Variants in MYCBP2 observed in about 807,000 individuals in gnomAD.
MYCBP2 encodes MYC binding protein 2.
MYCBP2 carries 120 observed loss-of-function variants against 525.3 expected under a neutral mutation model. The observed-to-expected ratio is 0.23, with a 90% confidence interval of 0.20 to 0.27. The LOEUF is 0.27. Among genes scored for constraint, MYCBP2 ranks in the 10% least tolerant of loss-of-function variants. The probability of loss-of-function intolerance (pLI) is 1.00; values close to 1 mark genes in which losing one functional copy is unlikely to be tolerated. For missense variants in MYCBP2, 4,149 were observed against 5,657.1 expected, an observed-to-expected ratio of 0.73 and a Z score of 8.55; for synonymous variants, 1,894 against 1,955.8, an observed-to-expected ratio of 0.97 and a Z score of 0.83.
chr13:77,255,293 A>G (rs2071977082), intron 14 of MYCBP2, among the ~76,000 whole-genome samples: 2 of 151,862 alleles, frequency 1.3e-5, no homozygotes. Flanking sequence ...CTCTGCAATC[A>G]GTATGCACTG....
intron 18 of MYCBP2, among the ~76,000 whole-genome samples, chr13:77,227,831 T>C (rs2066516113): frequency 6.6e-6 from 1 of 152,158 alleles, no homozygotes; most frequent in African/African-American, 2.4e-5. Context: ...GAGATTATTT[T>C]TAAAGGTTGG....
intron 15 of MYCBP2, among the ~76,000 whole-genome samples, chr13:77,249,969 A>G (rs577268942): frequency 1.3e-5 from 2 of 152,240 alleles, no homozygotes; most frequent in East Asian, 1.9e-4. Flanking sequence ...CACGCCTGTA[A>G]TCCCAGCACT....
chr13:77,317,237 C>G (rs976385648), intron 1 of MYCBP2, among the ~76,000 whole-genome samples: 14 of 152,214 alleles, frequency 9.2e-5, no homozygotes, highest in Non-Finnish European at 1.5e-4. Context: ...CAGGCGTGAG[C>G]CATCGTGCCC....
intron 38 of MYCBP2, among the ~76,000 whole-genome samples, chr13:77,171,087 C>T (rs142482599): frequency 1.3e-5 from 2 of 152,236 alleles, no homozygotes; most frequent in Non-Finnish European, 2.9e-5. Flanking sequence ...AATGGAAAAA[C>T]TCATAGAGCT....
At chr13:77,295,235 A>C (rs1271504451) in intron 2 of MYCBP2, among the ~76,000 whole-genome samples, 2 of 152,134 alleles carry the variant, frequency 1.3e-5, no homozygotes, top group Non-Finnish European at 2.9e-5. Context: ...CCCGGGTTCA[A>C]GCAATCTCCT....
At chr13:77,165,447 CCTGT>C in intron 41 of MYCBP2, 56 bp from the exon 42 acceptor site, 1 of 1,301,628 alleles carries the variant, frequency 7.7e-7, no homozygotes, top group East Asian at 2.3e-5. Context: ...TAAAAATTTC[CCTGT>C]CTTTTATCCA....
intron 34 of MYCBP2, among the ~76,000 whole-genome samples, chr13:77,179,485 C>T (rs1299987335): frequency 6.6e-6 from 1 of 152,084 alleles, no homozygotes; most frequent in Non-Finnish European, 1.5e-5. Flanking sequence ...AATGTAAAGG[C>T]ACTTTCAAAG....
At chr13:77,287,638 T>C (rs534066792) in intron 3 of MYCBP2, among the ~76,000 whole-genome samples, 8 of 152,114 alleles carry the variant, frequency 5.3e-5, no homozygotes, top group South Asian at 4.2e-4. Flanking sequence ...AAGAGTACAA[T>C]TATAAGCTTA....
At chr13:77,153,967 TAAC>T (rs919051843) in intron 46 of MYCBP2, among the ~76,000 whole-genome samples, 2 of 152,214 alleles carry the variant, frequency 1.3e-5, no homozygotes, top group African/African-American at 2.4e-5. Context: ...TAAAAAATTA[TAAC>T]AATAACACTT....
At chr13:77,197,332 T>G (rs2061858743) in intron 26 of MYCBP2, among the ~76,000 whole-genome samples, 1 of 152,098 alleles carries the variant, frequency 6.6e-6, no homozygotes, top group African/African-American at 2.4e-5. Flanking sequence ...TAGAAAAGTC[T>G]TTTTTGTGGA....
intron 17 of MYCBP2, among the ~76,000 whole-genome samples, chr13:77,238,175 G>A (rs970408784): frequency 2.0e-5 from 3 of 150,094 alleles, no homozygotes; most frequent in Admixed American, 6.6e-5. Context: ...CCCAGGAGGC[G>A]GAGCTTGCAG....
intron 30 of MYCBP2, among the ~76,000 whole-genome samples, chr13:77,187,369 C>T (rs2060826483): frequency 6.6e-6 from 1 of 152,194 alleles, no homozygotes; most frequent in Non-Finnish European, 1.5e-5. Context: ...ACAAGCTCTA[C>T]AAACTGCCAT....
intron 52 of MYCBP2, among the ~76,000 whole-genome samples, chr13:77,136,628 T>C (rs1248388489): frequency 6.6e-6 from 1 of 152,338 alleles, no homozygotes; most frequent in Non-Finnish European, 1.5e-5. Flanking sequence ...AGTGGTCTCA[T>C]TGAGTCTTTA....
intron 17 of MYCBP2, among the ~76,000 whole-genome samples, chr13:77,237,597 T>C (rs888558452): frequency 2.6e-5 from 4 of 152,180 alleles, no homozygotes; most frequent in African/African-American, 9.6e-5. Context: ...AATAGGTTTA[T>C]GCAAAACCTT....
At chr13:77,152,025 C>A (rs1302824479) in intron 46 of MYCBP2, among the ~76,000 whole-genome samples, 1 of 152,088 alleles carries the variant, frequency 6.6e-6, no homozygotes, top group Non-Finnish European at 1.5e-5. Context: ...AGAATTGTCA[C>A]AGAAATAGAA....
rs149333798 is a variant in MYCBP2 at position 77,047,309 on chromosome 13, CT to C, written c.13922-1817del. On this transcript the variant is annotated intron_variant, in intron 82 of 82. Transcript: ENST00000544440. Reference sequence around the variant, plus strand: ...TGAAACTGAAGTAAAATTATTTTTTCTGATTCTTAGATACCTCATCTTTAAA... The same window carrying C: ...TGAAACTGAAGTAAAATTATTTTTTCGATTCTTAGATACCTCATCTTTAAA... Among the ~76,000 whole-genome samples, 234 of 152,240 alleles carry C rather than the reference CT, an allele frequency of 1.5e-3. 5 individuals are homozygous for C. The East Asian group carries it at 0.043, about 28-fold the overall frequency.
chr13:77,067,988 A>T, intron 70 of MYCBP2, 124 bp from the exon 71 acceptor site: 4 of 864,086 alleles, frequency 4.6e-6, no homozygotes, highest in Non-Finnish European at 6.9e-6. Flanking sequence ...AGTGCAGTGG[A>T]GCAACCACAG....
At chr13:77,071,309 A>ACACACACACAC (rs755286964) in intron 68 of MYCBP2, among the ~76,000 whole-genome samples, 4 of 149,136 alleles carry the variant, frequency 2.7e-5, no homozygotes, top group Non-Finnish European at 4.4e-5. Context: ...ACACACACAC[A>ACACACACACAC]AATCTTATCT....
Position 77,097,877 on chromosome 13 carries a change from T to C in MYCBP2, c.9277A>G (p.Ile3093Val). 1.2e-6 allele frequency: 2 copies of C among 1,613,012 alleles called. No individual in the cohort carries two copies. Among genetic ancestry groups the C allele is most frequent in the Non-Finnish European group, 1.7e-6 (2 of 1,179,712 alleles). ...TKLKNRHSLE[I>V]SSALNMFNIA... ...TTAAACATATTCAGTGCAGATGATA[T>C]TTCTAATGAATGTCTATTTTTTAAC... The change falls in exon 56 of 83, where the codon ATA becomes GTA. Residue 3093 changes from isoleucine to valine, a missense_variant. Around this residue, in one of 21 missense-constraint regions of MYCBP2, gnomAD observed 653 missense variants for 744.7 expected, o/e 0.88. Transcript: ENST00000544440.
Sources: gnomAD v4.1 joint callset for allele counts (sites outside exome capture counted in the v4.1 genomes callset) on GRCh38, gnomAD v4.1.1 for gene constraint, gnomAD v4.1.1 regional missense constraint, MANE v1.5 for transcripts, NCBI Gene and HGNC (gene_info 2026-07-23, HGNC 2026-07-21) for gene names.